AKT3: variants seen among roughly 807,000 people sequenced by gnomAD.
AKT3 encodes the protein AKT serine/threonine kinase 3, also known as RAC-gamma serine/threonine-protein kinase.
Under a neutral mutation model 65.3 loss-of-function variants are expected in AKT3, and 15 were observed. The ratio of observed to expected loss-of-function variants is 0.23; its 90% CI spans 0.15 to 0.35. The LOEUF is 0.35. Ranked by LOEUF, AKT3 falls within the 10% of genes least tolerant of loss-of-function variation. The pLI is 1.00. For synonymous variants in AKT3, 206 were observed against 183.8 expected (o/e 1.12, Z -0.98); for missense variants, 243 against 576.5 (o/e 0.42, Z 5.92).
At chr1:243,806,840 T>G (rs1327942975) in intron 2 of AKT3, among the ~76,000 whole-genome samples, 2 of 152,198 alleles carry the variant, frequency 1.3e-5, no homozygotes, top group Non-Finnish European at 2.9e-5. Flanking sequence ...ATATTAACTT[T>G]TAAAAAGAAA....
intron 2 of AKT3, among the ~76,000 whole-genome samples, chr1:243,840,616 A>G (rs1168216354): frequency 6.6e-6 from 1 of 152,226 alleles, no homozygotes; most frequent in Non-Finnish European, 1.5e-5. Flanking sequence ...ATCAGCAAGT[A>G]TAACTATTAT....
chr1:243,699,514 A>ATATATATATATATAT (rs1685304874), intron 2 of AKT3, among the ~76,000 whole-genome samples: 2 of 96,716 alleles, frequency 2.1e-5, no homozygotes, highest in African/African-American at 1.1e-4. Flanking sequence ...TATATATATA[A>ATATATATATATATAT]TCTTCATGGG....
At chr1:243,550,854 G>A (rs1197682560) in intron 11 of AKT3, among the ~76,000 whole-genome samples, 1 of 139,262 alleles carries the variant, frequency 7.2e-6, no homozygotes, top group Non-Finnish European at 1.5e-5. Flanking sequence ...AGCTACTCAG[G>A]AGGCTGAGGC....
chr1:243,586,960 T>TA (rs1163800459), intron 8 of AKT3, among the ~76,000 whole-genome samples: 2 of 151,466 alleles, frequency 1.3e-5, no homozygotes, highest in African/African-American at 4.9e-5. Flanking sequence ...AAGATAGAAA[T>TA]AAAATGGAGT....
chr1:243,642,607 C>G (rs1448241303), intron 5 of AKT3, among the ~76,000 whole-genome samples: 1 of 152,232 alleles, frequency 6.6e-6, no homozygotes, highest in East Asian at 1.9e-4. Flanking sequence ...CCACGCCCAG[C>G]CACAGTAAGT....
intron 6 of AKT3, among the ~76,000 whole-genome samples, chr1:243,631,476 A>AC (rs1392498744): frequency 6.6e-6 from 1 of 152,180 alleles, no homozygotes; most frequent in Non-Finnish European, 1.5e-5. Flanking sequence ...TTTAGTAGAG[A>AC]CAAGGTTTCA....
chr1:243,772,737 CAT>C (rs1254025173), intron 2 of AKT3, among the ~76,000 whole-genome samples: 1 of 152,116 alleles, frequency 6.6e-6, no homozygotes, highest in Non-Finnish European at 1.5e-5. Flanking sequence ...CACATGCACA[CAT>C]ATGTTTATTG....
chr1:243,606,892 G>A (rs770548262), intron 8 of AKT3, among the ~76,000 whole-genome samples: 1 of 152,270 alleles, frequency 6.6e-6, no homozygotes, highest in Admixed American at 6.5e-5. Context: ...TTCAGTCCCA[G>A]CTGTGGCTAA....
chr1:243,592,865 A>C (rs1270065063), intron 8 of AKT3, among the ~76,000 whole-genome samples: 1 of 152,238 alleles, frequency 6.6e-6, no homozygotes, highest in Admixed American at 6.5e-5. Flanking sequence ...CAAAAATAAT[A>C]ATGCATAGTG....
At chr1:243,525,285 T>A (rs966774603) in intron 12 of AKT3, among the ~76,000 whole-genome samples, 1 of 152,044 alleles carries the variant, frequency 6.6e-6, no homozygotes, top group Non-Finnish European at 1.5e-5. Context: ...AATTCAGTAT[T>A]CTTTGCTGCA....
chr1:243,540,726 C>T (rs566377776), intron 12 of AKT3, among the ~76,000 whole-genome samples: 26 of 152,154 alleles, frequency 1.7e-4, no homozygotes, highest in Non-Finnish European at 3.2e-4. Context: ...GATCCCACAT[C>T]GCAGTTAAGT....
chr1:243,719,489 A>C (rs1686737809), intron 2 of AKT3, among the ~76,000 whole-genome samples: 1 of 152,212 alleles, frequency 6.6e-6, no homozygotes, highest in African/African-American at 2.4e-5. Flanking sequence ...AGAAATGAGA[A>C]GTATATTTTG....
At position 243,501,431 on chromosome 1, in the gene AKT3, C is replaced by T. The variant is rs907631466; in HGVS notation, c.*3818G>A. On this transcript the variant is annotated 3_prime_UTR_variant, in exon 14 of 14. Coordinates refer to ENST00000673466, the MANE Select transcript of AKT3 (RefSeq NM_005465.7). The stretch of plus-strand genomic sequence containing the variant: ...CAAACCGTGTGTTGTATAGATGATT[C>T]GGGTCTGAATGTCCCCAGGGTCTGA... 8 of 233,072 alleles carry T rather than the reference C, an allele frequency of 3.4e-5. No homozygotes were observed. The highest frequency in any genetic ancestry group is 1.8e-4 in the South Asian group (1 of 5,536). 14.4% of individuals were successfully genotyped at this position (233,072 alleles called of 1,614,324 possible). A position where few individuals can be genotyped will look rare whatever the true frequency, so the allele number is the denominator to read the frequency against.
At chr1:243,572,643 G>A (rs893056635) in intron 9 of AKT3, among the ~76,000 whole-genome samples, 1 of 152,196 alleles carries the variant, frequency 6.6e-6, no homozygotes, top group Middle Eastern at 3.4e-3. Flanking sequence ...TGTTTTAAGT[G>A]TAACTTGTGA....
At chr1:243,675,348 T>C (rs948063409) in intron 3 of AKT3, among the ~76,000 whole-genome samples, 51 of 152,086 alleles carry the variant, frequency 3.4e-4, no homozygotes, top group African/African-American at 1.1e-3. Context: ...TACAGGCGCA[T>C]ACTACCACGC....
At chr1:243,846,833 T>C (rs1347106600) in intron 1 of AKT3, among the ~76,000 whole-genome samples, 4 of 152,224 alleles carry the variant, frequency 2.6e-5, no homozygotes, top group African/African-American at 9.6e-5. Flanking sequence ...AAATAAAAGG[T>C]ATTTTTAGAA....
intron 2 of AKT3, among the ~76,000 whole-genome samples, chr1:243,705,293 T>C (rs1241347134): frequency 6.6e-6 from 1 of 152,166 alleles, no homozygotes; most frequent in Non-Finnish European, 1.5e-5. Flanking sequence ...GAAAAATACC[T>C]ATGCATTGAA....
intron 2 of AKT3, among the ~76,000 whole-genome samples, chr1:243,833,647 A>C (rs1043424686): frequency 7.2e-5 from 11 of 152,134 alleles, no homozygotes; most frequent in African/African-American, 2.7e-4. Flanking sequence ...AAATAACAAC[A>C]GGTGACTTTT....
At chr1:243,699,735 A>G (rs1215222170) in intron 2 of AKT3, among the ~76,000 whole-genome samples, 2 of 152,050 alleles carry the variant, frequency 1.3e-5, no homozygotes, top group Admixed American at 1.3e-4. Flanking sequence ...AATGACTATT[A>G]CTTTATATGG....
Sources: allele counts gnomAD v4.1 joint callset (sites outside exome capture counted in the v4.1 genomes callset), GRCh38; gene constraint gnomAD v4.1.1; transcripts MANE v1.5; gene names NCBI Gene and HGNC (gene_info 2026-07-23, HGNC 2026-07-21).